OXR1: variants seen among roughly 807,000 people sequenced by gnomAD.
OXR1 encodes the protein oxidation resistance protein 1.
In OXR1, 41 loss-of-function variants were observed where a neutral mutation model predicts 104.6. The observed-to-expected ratio is 0.39, with a 90% CI of 0.31 to 0.51. The LOEUF (loss-of-function observed/expected upper bound fraction) is 0.51, where lower values mean the gene tolerates loss of function less well. Among genes scored for constraint, OXR1 ranks in the 20% least tolerant of loss-of-function variants. The pLI is 0.77. For missense variants in OXR1, 955 were observed against 1,031.9 expected (o/e 0.93, Z 1.02); for synonymous variants, 348 against 348.4 (o/e 1.00, Z 0.01).
At chr8:106,346,166 T>C (rs943116101) in intron 1 of OXR1, among the ~76,000 whole-genome samples, 9 of 149,902 alleles carry the variant, frequency 6.0e-5, no homozygotes, top group Non-Finnish European at 7.4e-5. Flanking sequence ...TTTTCAGTAA[T>C]ATAAATTTTC....
chr8:106,359,047 TTTTCTTTC>T (rs76498142), intron 1 of OXR1, among the ~76,000 whole-genome samples: 38,447 of 140,834 alleles, frequency 0.27, 6,036 homozygotes, highest in East Asian at 0.36. Flanking sequence ...CATGGAATTC[TTTTCTTTC>T]TTTCTTTCTT....
intron 11 of OXR1, among the ~76,000 whole-genome samples, chr8:106,720,410 A>G (rs141075246): frequency 1.3e-5 from 2 of 152,292 alleles, no homozygotes; most frequent in Admixed American, 6.5e-5. Context: ...TGTGTTAAAC[A>G]TATACAATAT....
chr8:106,490,748 C>A (rs935083589), intron 2 of OXR1, among the ~76,000 whole-genome samples: 2 of 152,042 alleles, frequency 1.3e-5, no homozygotes, highest in African/African-American at 4.8e-5. Context: ...TGTAAGTGGG[C>A]AAGCACCCCG....
At chr8:106,659,423 G>A (rs1158917784) in intron 3 of OXR1, among the ~76,000 whole-genome samples, 1 of 152,148 alleles carries the variant, frequency 6.6e-6, no homozygotes, top group Non-Finnish European at 1.5e-5. Context: ...TAGAAATGCT[G>A]TTTATGGAAT....
chr8:106,366,632 T>A (rs904496971), intron 2 of OXR1, among the ~76,000 whole-genome samples: 2 of 152,262 alleles, frequency 1.3e-5, no homozygotes, highest in South Asian at 2.1e-4. Context: ...TAATTTTTTT[T>A]AAAAGGAGAA....
chr8:106,456,252 C>T (rs568948964), intron 2 of OXR1, among the ~76,000 whole-genome samples: 2 of 152,240 alleles, frequency 1.3e-5, no homozygotes, highest in East Asian at 1.9e-4. Context: ...GTCTTTCTGT[C>T]CCTTACCCAC....
At chr8:106,354,627 C>A (rs1042689732) in intron 1 of OXR1, among the ~76,000 whole-genome samples, 2 of 152,056 alleles carry the variant, frequency 1.3e-5, no homozygotes, top group Non-Finnish European at 2.9e-5. Context: ...AAACCTTGAA[C>A]CATTTTGGTT....
intron 1 of OXR1, among the ~76,000 whole-genome samples, chr8:106,357,632 G>GT (rs35253359): frequency 0.086 from 13,091 of 151,900 alleles, 633 homozygotes; most frequent in African/African-American, 0.12. Context: ...ATGTTAAATG[G>GT]TTTTTTATAG....
intron 2 of OXR1, among the ~76,000 whole-genome samples, chr8:106,396,275 A>G (rs1319790159): frequency 6.6e-6 from 1 of 151,990 alleles, no homozygotes; most frequent in Non-Finnish European, 1.5e-5. Flanking sequence ...AAAGGGAGAA[A>G]GAGTAACTTT....
At chr8:106,442,549 C>G (rs1019455504) in intron 2 of OXR1, among the ~76,000 whole-genome samples, 6 of 151,648 alleles carry the variant, frequency 4.0e-5, no homozygotes, top group Admixed American at 2.6e-4. Context: ...TGGTCCTGGG[C>G]TTTTTTTTCG....
intron 1 of OXR1, among the ~76,000 whole-genome samples, chr8:106,283,449 A>G (rs1397181368): frequency 6.6e-6 from 1 of 152,192 alleles, no homozygotes; most frequent in Non-Finnish European, 1.5e-5. Context: ...CCCATAGATC[A>G]GGGATATTTT....
chr8:106,365,745 A>G (rs1030291209), intron 2 of OXR1, among the ~76,000 whole-genome samples: 5 of 152,194 alleles, frequency 3.3e-5, no homozygotes, highest in Admixed American at 6.5e-5. Flanking sequence ...TAAAAATTAG[A>G]CATTTATAAG....
intron 2 of OXR1, among the ~76,000 whole-genome samples, chr8:106,472,197 GT>G: frequency 6.6e-6 from 1 of 151,922 alleles, no homozygotes; most frequent in Admixed American, 6.6e-5. Context: ...TTCAGGATAT[GT>G]AGGAGAATAC....
chr8:106,623,890 T>C lies in OXR1; in HGVS notation c.221-55320T>C, dbSNP rs1821932470. On this transcript the variant is annotated intron_variant, in intron 3 of 16. Coordinates refer to ENST00000517566, the MANE Select transcript of OXR1 (RefSeq NM_001198533.2). Reference sequence around the variant, plus strand: ...TGCATCATGTGAGAAAATTGTCCAGTTCATTTCCCCAGACTACCTCAATCT... The same window carrying C: ...TGCATCATGTGAGAAAATTGTCCAGCTCATTTCCCCAGACTACCTCAATCT... Among the ~76,000 whole-genome samples, 5 of 152,334 alleles carry C rather than the reference T, an allele frequency of 3.3e-5. No homozygotes were observed. The South Asian group carries it at 1.0e-3, about 32-fold the overall frequency.
intron 2 of OXR1, among the ~76,000 whole-genome samples, chr8:106,460,870 G>A (rs73309256): frequency 0.021 from 3,172 of 152,040 alleles, 104 homozygotes; most frequent in African/African-American, 0.072. Context: ...ATGTAATTAC[G>A]TATAATTGGA....
At chr8:106,461,987 A>G (rs1187744878) in intron 2 of OXR1, among the ~76,000 whole-genome samples, 1 of 152,174 alleles carries the variant, frequency 6.6e-6, no homozygotes, top group East Asian at 1.9e-4. Context: ...TTGGATTACT[A>G]GTGAATTTAT....
chr8:106,605,735 G>T (rs1820329184), intron 3 of OXR1, among the ~76,000 whole-genome samples: 3 of 151,948 alleles, frequency 2.0e-5, no homozygotes, highest in Admixed American at 2.0e-4. Flanking sequence ...GGAGGTGGAG[G>T]TTGCAGTGAG....
chr8:106,472,448 T>C (rs894541758), intron 2 of OXR1, among the ~76,000 whole-genome samples: 5 of 151,762 alleles, frequency 3.3e-5, no homozygotes, highest in Admixed American at 1.3e-4. Context: ...CAAGGAAATA[T>C]ATGACATAAT....
chr8:106,344,315 G>GT (rs1373897233), intron 1 of OXR1, among the ~76,000 whole-genome samples: 1 of 146,172 alleles, frequency 6.8e-6, no homozygotes, highest in Non-Finnish European at 1.5e-5. Context: ...GCTAGCCACC[G>GT]TTTTTTGTTT....
Sources: gnomAD v4.1 joint callset for allele counts (sites outside exome capture counted in the v4.1 genomes callset) on GRCh38, gnomAD v4.1.1 for gene constraint, MANE v1.5 for transcripts, NCBI Gene and HGNC (gene_info 2026-07-23, HGNC 2026-07-21) for gene names.